The following GAS2 variants were observed in gnomAD, a reference collection of about 807,000 sequenced individuals.
GAS2 encodes the protein growth arrest specific 2, also known as growth arrest-specific protein 2.
Under a neutral mutation model 37.5 loss-of-function variants are expected in GAS2, and 20 were observed. The observed-to-expected ratio is 0.53, with a 90% CI of 0.37 to 0.77. GAS2 has a LOEUF of 0.77. Among genes scored for constraint, GAS2 ranks in the 30% least tolerant of loss-of-function variants. GAS2 has a pLI of 0.00. For synonymous variants in GAS2, 144 were observed against 132.2 expected, an observed-to-expected ratio of 1.09 and a Z score of -0.61; for missense variants, 336 against 373.4, an observed-to-expected ratio of 0.90 and a Z score of 0.82.
intron 1 of GAS2, among the ~76,000 whole-genome samples, chr11:22,636,267 TATTAA>T (rs1858819693): frequency 6.6e-6 from 1 of 152,168 alleles, no homozygotes; most frequent in African/African-American, 2.4e-5. Flanking sequence ...CAGGAGGTTG[TATTAA>T]ATTAAGATGT....
chr11:22,641,252 AT>A (rs1269157180), intron 1 of GAS2, among the ~76,000 whole-genome samples: 1 of 144,414 alleles, frequency 6.9e-6, no homozygotes, highest in African/African-American at 2.5e-5. Flanking sequence ...GTATATATAT[AT>A]ATCTTTATAT....
At chr11:22,780,161 G>A (rs1855480148) in intron 7 of GAS2, among the ~76,000 whole-genome samples, 2 of 152,088 alleles carry the variant, frequency 1.3e-5, no homozygotes. Context: ...GGGAAGTTGG[G>A]GAACTCTGAA....
intron 1 of GAS2, among the ~76,000 whole-genome samples, chr11:22,639,271 A>G (rs1442333575): frequency 6.6e-6 from 1 of 152,174 alleles, no homozygotes. Context: ...TATTGAGTAA[A>G]TGGTTAGTTA....
chr11:22,792,341 C>A (rs1219531350), intron 7 of GAS2, among the ~76,000 whole-genome samples: 1 of 152,206 alleles, frequency 6.6e-6, no homozygotes, highest in African/African-American at 2.4e-5. Flanking sequence ...ACACATTTTT[C>A]TCTACTACCT....
At chr11:22,805,881 A>C (rs1478922768) in intron 7 of GAS2, among the ~76,000 whole-genome samples, 1 of 151,988 alleles carries the variant, frequency 6.6e-6, no homozygotes, top group Non-Finnish European at 1.5e-5. Flanking sequence ...GCATCTGTAA[A>C]ATGTCATGGC....
At chr11:22,691,542 C>G (rs901161284) in intron 3 of GAS2, among the ~76,000 whole-genome samples, 10 of 152,126 alleles carry the variant, frequency 6.6e-5, no homozygotes, top group African/African-American at 2.4e-4. Flanking sequence ...TGTGATTAAT[C>G]TGGAGTCATT....
chr11:22,633,705 G>T (rs1858778380), intron 1 of GAS2, among the ~76,000 whole-genome samples: 1 of 152,080 alleles, frequency 6.6e-6, no homozygotes, highest in African/African-American at 2.4e-5. Flanking sequence ...GTGAAGGGAG[G>T]AGCCACTGTA....
In GAS2 at chr11:22,722,990, C is replaced by A. The variant is rs1338939310; in HGVS notation, c.268-3302C>A. Among the ~76,000 whole-genome samples the A allele has an allele frequency of 2.0e-5, 3 of 151,780 alleles. No individual in the cohort carries two copies. In the South Asian group the frequency reaches 6.2e-4, roughly 31 times the overall value. On this transcript the variant is annotated intron_variant, in intron 3 of 7. Transcript: ENST00000454584. Reference sequence around the variant, plus strand: ...TATCAGGTGAGCTATTGAAGGTTCTCTTTTAAATTCTTGATAAGCAGAGAT... The same window carrying A: ...TATCAGGTGAGCTATTGAAGGTTCTATTTTAAATTCTTGATAAGCAGAGAT...
At chr11:22,769,212 G>T (rs750749758) in intron 7 of GAS2, among the ~76,000 whole-genome samples, 10 of 152,086 alleles carry the variant, frequency 6.6e-5, no homozygotes, top group Admixed American at 1.3e-4. Flanking sequence ...CCCCTCCCAG[G>T]GTGATATTTA....
chr11:22,685,915 A>G (rs1849920023), intron 3 of GAS2, 126 bp downstream of exon 3: 4 of 790,496 alleles, frequency 5.1e-6, no homozygotes, highest in East Asian at 2.9e-5. Context: ...ACAACAAAGT[A>G]CAGAGAGTTC....
At chr11:22,700,864 A>G (rs955129909) in intron 3 of GAS2, among the ~76,000 whole-genome samples, 5 of 152,172 alleles carry the variant, frequency 3.3e-5, no homozygotes, top group Admixed American at 6.5e-5. Context: ...CAGGTTCTCA[A>G]AAGATGTTTT....
At chr11:22,698,954 A>G (rs1485462357) in intron 3 of GAS2, among the ~76,000 whole-genome samples, 1 of 152,168 alleles carries the variant, frequency 6.6e-6, no homozygotes, top group East Asian at 1.9e-4. Context: ...TTAGGCTAAA[A>G]TGTTTAATTC....
chr11:22,771,909 A>C (rs1854999643), intron 7 of GAS2, among the ~76,000 whole-genome samples: 1 of 152,174 alleles, frequency 6.6e-6, no homozygotes, highest in Non-Finnish European at 1.5e-5. Flanking sequence ...TTTCCTGGTA[A>C]AGATAATGCT....
chr11:22,726,278 T>C lies in GAS2; in HGVS notation c.268-14T>C, dbSNP rs555850409. The C allele has an allele frequency of 4.3e-4, 675 of 1,583,946 alleles. 7 individuals carry two copies. In the South Asian group the frequency reaches 7.2e-3, roughly 17 times the overall value. On this transcript the variant is annotated splice_polypyrimidine_tract_variant and intron_variant, in intron 3 of 7. Coordinates refer to ENST00000454584, the MANE Select transcript of GAS2 (RefSeq NM_001143830.3). ...TGACAGATTTCTCCTAGAACGAATT[T>C]CTTTATTTTTCAGAATCTACCGTTG...
At chr11:22,786,724 G>T (rs1226953285) in intron 7 of GAS2, among the ~76,000 whole-genome samples, 1 of 152,138 alleles carries the variant, frequency 6.6e-6, no homozygotes, top group Non-Finnish European at 1.5e-5. Flanking sequence ...CACAAAAGTA[G>T]ATGCAAATGG....
At chr11:22,704,733 T>C (rs1851023956) in intron 3 of GAS2, among the ~76,000 whole-genome samples, 1 of 151,080 alleles carries the variant, frequency 6.6e-6, no homozygotes, top group East Asian at 1.9e-4. Context: ...AAACTCAGAA[T>C]AAATGGATTT....
At chr11:22,706,509 G>A (rs1381543334) in intron 3 of GAS2, among the ~76,000 whole-genome samples, 11 of 144,432 alleles carry the variant, frequency 7.6e-5, no homozygotes, top group African/African-American at 2.0e-4. Flanking sequence ...AACAGTCCCC[G>A]GAGTGTGATG....
chr11:22,699,209 G>A (rs544494220), intron 3 of GAS2, among the ~76,000 whole-genome samples: 3 of 152,134 alleles, frequency 2.0e-5, no homozygotes, highest in Non-Finnish European at 4.4e-5. Flanking sequence ...TTTTGGAAAA[G>A]ATGAATTTAT....
At chr11:22,719,957 A>G (rs1851870505) in intron 3 of GAS2, among the ~76,000 whole-genome samples, 1 of 152,018 alleles carries the variant, frequency 6.6e-6, no homozygotes, top group African/African-American at 2.4e-5. Flanking sequence ...TTACATAGTA[A>G]CTTTTATTGT....
Sources: allele counts gnomAD v4.1 joint callset (sites outside exome capture counted in the v4.1 genomes callset), GRCh38; gene constraint gnomAD v4.1.1; transcripts MANE v1.5; gene names NCBI Gene and HGNC (gene_info 2026-07-23, HGNC 2026-07-21).